The following STK33 variants were observed in gnomAD, a reference collection of about 807,000 sequenced individuals.
STK33 encodes serine/threonine kinase 33.
STK33 carries 52 observed loss-of-function variants against 58.0 expected under a neutral mutation model. The observed-to-expected ratio is 0.90, with a 90% CI of 0.72 to 1.13. The LOEUF is 1.13. STK33 is among the 50% of genes most tolerant of loss of function. STK33 has a pLI of 0.00. For synonymous variants in STK33, 215 were observed against 200.1 expected (o/e 1.07, Z -0.63); for missense variants, 630 against 604.2 (o/e 1.04, Z -0.45).
chr11:8,424,972 A>T (rs1217682398), intron 14 of STK33, among the ~76,000 whole-genome samples: 1 of 133,452 alleles, frequency 7.5e-6, no homozygotes, highest in African/African-American at 3.0e-5. Context: ...TTTGCTGCCC[A>T]GAAGCTCTTC....
At chr11:8,335,222 G>T in the STK33 span, among the ~76,000 whole-genome samples, 2 of 152,188 alleles carry the variant, frequency 1.3e-5, no homozygotes, top group Admixed American at 1.3e-4. Flanking sequence ...CCTCCTGATC[G>T]CTAGCGGGGT....
At chr11:8,495,026 T>C (rs1950944831) in intron 1 of STK33, among the ~76,000 whole-genome samples, 2 of 152,144 alleles carry the variant, frequency 1.3e-5, no homozygotes, top group African/African-American at 4.8e-5. Context: ...ATTCAGGACA[T>C]AGGCATGGGC....
the STK33 span, among the ~76,000 whole-genome samples, chr11:8,338,913 T>C: frequency 3.9e-5 from 6 of 152,206 alleles, no homozygotes; most frequent in African/African-American, 1.4e-4. Context: ...TGGGTGTTTG[T>C]TGAATGACTG....
chr11:8,406,892 G>A (rs963437738), intron 15 of STK33, among the ~76,000 whole-genome samples: 9 of 151,960 alleles, frequency 5.9e-5, no homozygotes, highest in African/African-American at 1.7e-4. Context: ...TAGTGAGAGA[G>A]AACATCGTTC....
intron 14 of STK33, among the ~76,000 whole-genome samples, chr11:8,417,965 C>T (rs541522168): frequency 2.0e-5 from 3 of 152,100 alleles, no homozygotes; most frequent in African/African-American, 7.2e-5. Flanking sequence ...TATGCAAACA[C>T]ATATTTACAA....
In STK33 at chr11:8,456,517, C is replaced by G. The variant is rs185127438; in HGVS notation, c.697+824G>C. 1.8e-4 allele frequency among the ~76,000 whole-genome samples: 27 copies of G among 152,298 alleles called. 1 individual carries two copies. In the East Asian group the frequency reaches 5.2e-3, roughly 29 times the overall value. On this transcript the variant is annotated intron_variant, in intron 9 of 15. Transcript: ENST00000687296. ...AATGCAGTAGGTGCTCGGGAACTAT[C>G]AGCTGGATGAACCACTGGGTTCCAG...
At chr11:8,509,441 C>G (rs1035614014) in intron 1 of STK33, among the ~76,000 whole-genome samples, 1 of 152,140 alleles carries the variant, frequency 6.6e-6, no homozygotes, top group Non-Finnish European at 1.5e-5. Flanking sequence ...ACTTATTAAA[C>G]GTTTTCCAGC....
the STK33 span, among the ~76,000 whole-genome samples, chr11:8,364,242 A>G: frequency 5.2e-4 from 79 of 152,280 alleles, no homozygotes; most frequent in African/African-American, 1.7e-3. Context: ...CCAGTCAGCT[A>G]TTTCTTCTAC....
intron 12 of STK33, among the ~76,000 whole-genome samples, chr11:8,439,107 T>A (rs1484052865): frequency 1.3e-5 from 2 of 152,150 alleles, no homozygotes; most frequent in African/African-American, 4.8e-5. Context: ...TGCATCAACA[T>A]AAAAATGTTC....
At chr11:8,561,108 T>C (rs1401381122) in intron 1 of STK33, among the ~76,000 whole-genome samples, 1 of 152,224 alleles carries the variant, frequency 6.6e-6, no homozygotes, top group African/African-American at 2.4e-5. Flanking sequence ...CTTTACTTGG[T>C]CTATTTTTAA....
the STK33 span, among the ~76,000 whole-genome samples, chr11:8,364,723 G>C: frequency 6.6e-6 from 1 of 152,266 alleles, no homozygotes; most frequent in African/African-American, 2.4e-5. Context: ...TACGTAGTTT[G>C]TTCTTTCTCA....
intron 3 of STK33, among the ~76,000 whole-genome samples, 159 bp from the exon 4 acceptor site, chr11:8,476,910 A>C (rs868079558): frequency 6.6e-6 from 1 of 152,316 alleles, no homozygotes; most frequent in Middle Eastern, 3.4e-3. Flanking sequence ...AGATTTTAAA[A>C]TCCTAAATGC....
chr11:8,413,354 G>A, intron 15 of STK33, 141 bp downstream of exon 15: 2 of 901,912 alleles, frequency 2.2e-6, no homozygotes, highest in Non-Finnish European at 3.4e-6. Context: ...AGCCTTATAA[G>A]GCAGAAAGAA....
At chr11:8,524,942 T>G (rs1002968209) in intron 1 of STK33, among the ~76,000 whole-genome samples, 1 of 152,088 alleles carries the variant, frequency 6.6e-6, no homozygotes, top group African/African-American at 2.4e-5. Context: ...GTTTCACAGC[T>G]GTACACTTAT....
chr11:8,380,971 G>A, the STK33 span, among the ~76,000 whole-genome samples: 12 of 152,162 alleles, frequency 7.9e-5, no homozygotes, highest in Non-Finnish European at 1.6e-4. Context: ...GCAGCAATTT[G>A]GATGGAGCTG....
intron 6 of STK33, among the ~76,000 whole-genome samples, chr11:8,470,132 T>C: frequency 6.6e-6 from 1 of 152,376 alleles, no homozygotes; most frequent in African/African-American, 2.4e-5. Flanking sequence ...TCTCTAGCTA[T>C]GAAAGGATTA....
At chr11:8,448,510 C>G (rs1469953370) in intron 11 of STK33, among the ~76,000 whole-genome samples, 1 of 152,144 alleles carries the variant, frequency 6.6e-6, no homozygotes, top group African/African-American at 2.4e-5. Context: ...TTTGACAAAC[C>G]TGACAAAAAC....
At chr11:8,419,614 C>T (rs997018713) in intron 14 of STK33, among the ~76,000 whole-genome samples, 1 of 152,216 alleles carries the variant, frequency 6.6e-6, no homozygotes, top group Non-Finnish European at 1.5e-5. Context: ...TCTAGTTCTG[C>T]AAAGAATGTC....
chr11:8,406,511 T>C (rs1284185270), intron 15 of STK33, among the ~76,000 whole-genome samples: 1 of 152,238 alleles, frequency 6.6e-6, no homozygotes. Flanking sequence ...AAACATGGTA[T>C]ATCTCTCCAA....
Sources: allele counts gnomAD v4.1 joint callset (sites outside exome capture counted in the v4.1 genomes callset), GRCh38; gene constraint gnomAD v4.1.1; transcripts MANE v1.5; gene names NCBI Gene and HGNC (gene_info 2026-07-23, HGNC 2026-07-21).